Variants in NID1 observed in about 807,000 individuals in gnomAD.
NID1 encodes nidogen 1.
In NID1, 76 loss-of-function variants were observed where a neutral mutation model predicts 130.6. The ratio of observed to expected loss-of-function variants is 0.58; its 90% CI spans 0.48 to 0.70. NID1 has a LOEUF of 0.70. Ranked by LOEUF, NID1 falls within the 30% of genes least tolerant of loss-of-function variation. The pLI, the probability that NID1 is intolerant of heterozygous loss-of-function variation, is 0.00. For missense variants in NID1, 1,517 were observed against 1,664.8 expected, an observed-to-expected ratio of 0.91 and a Z score of 1.54; for synonymous variants, 665 against 675.1, an observed-to-expected ratio of 0.98 and a Z score of 0.23.
intron 9 of NID1, among the ~76,000 whole-genome samples, chr1:236,023,229 A>C (rs770137792): frequency 6.6e-6 from 1 of 152,224 alleles, no homozygotes; most frequent in Non-Finnish European, 1.5e-5. Context: ...GCGTCCACTG[A>C]TGGATGGATA....
At chr1:236,061,731 T>TA (rs904437209) in intron 1 of NID1, among the ~76,000 whole-genome samples, 33 of 149,110 alleles carry the variant, frequency 2.2e-4, no homozygotes, top group South Asian at 2.1e-3. Flanking sequence ...TCTCAACAAT[T>TA]AAAAAAAAAA....
intron 5 of NID1, among the ~76,000 whole-genome samples, 182 bp downstream of exon 5, chr1:236,037,922 C>T (rs1659308851): frequency 6.6e-6 from 1 of 152,110 alleles, no homozygotes; most frequent in Non-Finnish European, 1.5e-5. Context: ...AATGGGCCTT[C>T]CTGGGGGATG....
chr1:236,029,845 G>T, intron 6 of NID1, 95 bp from the exon 7 acceptor site: 1 of 1,139,554 alleles, frequency 8.8e-7, no homozygotes, highest in Non-Finnish European at 1.3e-6. Context: ...TGGTGCGAAC[G>T]CTTCTGCAGG....
intron 3 of NID1, among the ~76,000 whole-genome samples, chr1:236,044,639 G>T (rs1659547523): frequency 6.6e-6 from 1 of 152,150 alleles, no homozygotes; most frequent in East Asian, 1.9e-4. Context: ...AGCTAGATTT[G>T]AAGATATAAA....
At chr1:236,003,555 T>C (rs1226234019) in intron 12 of NID1, among the ~76,000 whole-genome samples, 1 of 152,158 alleles carries the variant, frequency 6.6e-6, no homozygotes, top group East Asian at 1.9e-4. Flanking sequence ...GCGAGACCAA[T>C]TGTGCCAAGT....
rs57769010 is a variant in NID1, at chr1:236,063,153, C to CAAAAAAAA, written c.225+1694_225+1701dup. On this transcript the variant is annotated intron_variant, in intron 1 of 19. Transcript: ENST00000264187. ...TGTGCAACAGAGTGAGACTTCATCTCAAAAAAAAAAAAAAAAAAAAAAGTA... is the reference window on the plus strand; with the variant it reads ...TGTGCAACAGAGTGAGACTTCATCTCAAAAAAAAAAAAAAAAAAAAAAAAAAAAAAGTA... Among the ~76,000 whole-genome samples the CAAAAAAAA allele has an allele frequency of 2.1e-3, 170 of 79,672 alleles. 1 individual carries two copies. Among genetic ancestry groups the CAAAAAAAA allele is most frequent in the Non-Finnish European group, 3.0e-3 (126 of 42,346 alleles). 52.3% of individuals were successfully genotyped at this position (79,672 alleles called of 152,430 possible).
chr1:236,032,763 C>T, intron 5 of NID1, 111 bp from the exon 6 acceptor site: 1 of 1,408,746 alleles, frequency 7.1e-7, no homozygotes. Context: ...AGAAACAAAA[C>T]AGCACTGGGG....
rs2102850332 is a variant in NID1, at chr1:236,055,226, C to G, written c.226-6237G>C. Among the ~76,000 whole-genome samples, 3 of 151,784 alleles carry G rather than the reference C, an allele frequency of 2.0e-5. No individual in the cohort carries two copies. In the East Asian group the frequency reaches 5.9e-4, roughly 30 times the overall value. ...GGCTGAGGCAGGAGAATGGCGGGAA[C>G]CCGGGAGGTGGAGCTTGCAGTAAGC... On this transcript the variant is annotated intron_variant, in intron 1 of 19. Transcript: ENST00000264187.
chr1:236,037,829 G>A (rs1361341648), intron 5 of NID1, among the ~76,000 whole-genome samples: 1 of 152,180 alleles, frequency 6.6e-6, no homozygotes, highest in Non-Finnish European at 1.5e-5. Flanking sequence ...CACACACCAC[G>A]CAGTTGTGAA....
chr1:235,992,188 C>A (rs539158063), intron 13 of NID1, among the ~76,000 whole-genome samples: 135 of 152,324 alleles, frequency 8.9e-4, no homozygotes, highest in African/African-American at 2.9e-3. Context: ...CTCCTGCTCT[C>A]TACAGTGAGA....
Position 235,981,649 on chromosome 1 carries a change from C to A in NID1, c.3189G>T (p.Leu1063Phe), listed in dbSNP as rs749116198. 5.0e-6 allele frequency: 8 copies of A among 1,613,978 alleles called. No homozygotes were observed. The highest frequency in any genetic ancestry group is 6.8e-6 in the Non-Finnish European group (8 of 1,180,012). Residue 1063 changes from leucine to phenylalanine, a missense_variant, in exon 16 of 20, where the codon TTG (leucine) becomes TTT (phenylalanine). Transcript: ENST00000264187. Reference sequence around the variant, plus strand: ...CCGTTACAATGCCTCTGGGATTCACCAAGTCAGTCTCAAAGAGCACCCGGC... The same window carrying A: ...CCGTTACAATGCCTCTGGGATTCACAAAGTCAGTCTCAAAGAGCACCCGGC... ...TQRRVLFETD[L>F]VNPRGIVTDS... is the part of the protein sequence containing the mutation.
chr1:236,009,767 G>A (rs1158686143), intron 12 of NID1, among the ~76,000 whole-genome samples: 1 of 152,050 alleles, frequency 6.6e-6, no homozygotes, highest in Admixed American at 6.6e-5. Flanking sequence ...CCTCTTGTTT[G>A]CAGTCATTTA....
At chr1:236,001,432 C>T (rs1269275480) in intron 12 of NID1, among the ~76,000 whole-genome samples, 2 of 152,042 alleles carry the variant, frequency 1.3e-5, no homozygotes, top group Admixed American at 6.6e-5. Context: ...TGGCTTATAG[C>T]CCCATCTCAT....
chr1:236,019,066 T>A (rs892109816), intron 9 of NID1, among the ~76,000 whole-genome samples: 1 of 152,250 alleles, frequency 6.6e-6, no homozygotes, highest in African/African-American at 2.4e-5. Context: ...TATACTGATA[T>A]GTGCGTGTTC....
intron 1 of NID1, among the ~76,000 whole-genome samples, chr1:236,062,891 C>T (rs1485391238): frequency 1.3e-5 from 2 of 151,832 alleles, no homozygotes; most frequent in Non-Finnish European, 2.9e-5. Flanking sequence ...CGTGGTGGCC[C>T]ACACCTGTAA....
At chr1:236,033,232 C>T (rs564367775) in intron 5 of NID1, among the ~76,000 whole-genome samples, 8 of 152,236 alleles carry the variant, frequency 5.3e-5, no homozygotes, top group Admixed American at 2.6e-4. Flanking sequence ...CGCTTGAACC[C>T]GGGAGGCTAA....
intron 6 of NID1, among the ~76,000 whole-genome samples, chr1:236,031,819 G>A (rs191674803): frequency 9.8e-5 from 15 of 152,332 alleles, no homozygotes; most frequent in Middle Eastern, 3.4e-3. Flanking sequence ...CTGCCCACGC[G>A]TCCAGTAAAG....
At chr1:236,044,902 T>C (rs1245446634) in intron 3 of NID1, among the ~76,000 whole-genome samples, 1 of 152,034 alleles carries the variant, frequency 6.6e-6, no homozygotes, top group Non-Finnish European at 1.5e-5. Flanking sequence ...GACAAAATGG[T>C]AAAAACTGTC....
chr1:236,039,507 A>C (rs1450264074), intron 4 of NID1, among the ~76,000 whole-genome samples: 1 of 152,140 alleles, frequency 6.6e-6, no homozygotes, highest in Non-Finnish European at 1.5e-5. Flanking sequence ...CTGGGCTAAA[A>C]AGCCTTTGAC....
Sources: gnomAD v4.1 joint callset for allele counts (sites outside exome capture counted in the v4.1 genomes callset) on GRCh38, gnomAD v4.1.1 for gene constraint, MANE v1.5 for transcripts, NCBI Gene and HGNC (gene_info 2026-07-23, HGNC 2026-07-21) for gene names.